GALNT5: variants seen among roughly 807,000 people sequenced by gnomAD.
The protein encoded by GALNT5 is polypeptide N-acetylgalactosaminyltransferase 5, also known as UDP-GalNAc:polypeptide N-acetylgalactosaminyltransferase 5.
GALNT5 carries 72 observed loss-of-function variants against 85.4 expected under a neutral mutation model. The observed-to-expected ratio is 0.84, with a 90% CI of 0.70 to 1.03. GALNT5 has a LOEUF of 1.03. Ranked by LOEUF, GALNT5 falls within the 50% of genes least tolerant of loss-of-function variation. The pLI is 0.00. For synonymous variants in GALNT5, 404 were observed against 397.0 expected (o/e 1.02, Z -0.21); for missense variants, 1,137 against 1,135.5 (o/e 1.00, Z -0.02).
chr2:157,276,668 A>T (rs764907238), intron 1 of GALNT5, among the ~76,000 whole-genome samples: 6 of 152,120 alleles, frequency 3.9e-5, no homozygotes, highest in Non-Finnish European at 7.4e-5. Context: ...ATCAGTGATG[A>T]TATCCCCTTT....
intron 1 of GALNT5, among the ~76,000 whole-genome samples, chr2:157,262,634 AAACAACAACAAC>A (rs201143254): frequency 4.4e-5 from 6 of 137,038 alleles, no homozygotes; most frequent in African/African-American, 2.0e-4. Flanking sequence ...TTGTCTCAGA[AAACAACAACAAC>A]AACAACAACA....
chr2:157,289,751 A>G (rs74607185), intron 3 of GALNT5, among the ~76,000 whole-genome samples: 16,568 of 152,118 alleles, frequency 0.11, 2,535 homozygotes, highest in African/African-American at 0.34. Context: ...AAGTAGATAT[A>G]TAAAACACAA....
Position 157,259,363 on chromosome 2 carries a change from T to C in GALNT5, c.1281T>C (p.Asp427=), listed in dbSNP as rs528524843. 3.3e-6 allele frequency: 5 copies of C among 1,514,792 alleles called. No homozygotes were observed. Among genetic ancestry groups the C allele is most frequent in the African/African-American group, 1.4e-5 (1 of 71,982 alleles). The allele number at this position is 1,514,792 out of a possible 1,614,324, so 93.8% of individuals were successfully genotyped here. Residue 427 remains aspartate, a synonymous_variant, in exon 1 of 10, where the codon GAT becomes GAC. Coordinates refer to ENST00000259056, the MANE Select transcript of GALNT5 (RefSeq NM_014568.3). The part of the protein sequence containing the change: ...DSGTHQVLRI[D]VTLSPRDPKA... Reference sequence around the variant, plus strand: ...GAACGCACCAGGTGTTAAGAATTGATGTGACACTTTCTCCAAGGGACCCCA... The same window carrying C: ...GAACGCACCAGGTGTTAAGAATTGACGTGACACTTTCTCCAAGGGACCCCA...
At chr2:157,287,158 C>G (rs933782552) in intron 3 of GALNT5, among the ~76,000 whole-genome samples, 1 of 152,112 alleles carries the variant, frequency 6.6e-6, no homozygotes, top group Non-Finnish European at 1.5e-5. Flanking sequence ...ATGTTGACAG[C>G]TAAACCTTTA....
intron 5 of GALNT5, among the ~76,000 whole-genome samples, chr2:157,296,922 C>T (rs532688294): frequency 6.6e-6 from 1 of 152,248 alleles, no homozygotes; most frequent in South Asian, 2.1e-4. Flanking sequence ...CTTTTACAGC[C>T]TAATCCTACC....
intron 1 of GALNT5, 69 bp from the exon 2 acceptor site, chr2:157,284,211 CTG>C (rs1191796159): frequency 2.3e-6 from 3 of 1,307,188 alleles, no homozygotes; most frequent in African/African-American, 3.0e-5. Flanking sequence ...CCATCGCACT[CTG>C]TGACTTTTAA....
intron 3 of GALNT5, 126 bp downstream of exon 3, chr2:157,286,260 T>C (rs1682968923): frequency 4.3e-6 from 3 of 698,590 alleles, no homozygotes; most frequent in African/African-American, 3.6e-5. Context: ...GTTCCATCAA[T>C]TTTAAACAGT....
At position 157,307,225 on chromosome 2, in the gene GALNT5, G is replaced by T. The variant is rs560469159; in HGVS notation, c.2521-1342G>T. ...TCATTTTTAGCTTCTGCCTCTTGTG[G>T]TTTGCTTGGGTAATAAAAAGTAAAG... On this transcript the variant is annotated intron_variant, in intron 8 of 9. Coordinates refer to ENST00000259056, the MANE Select transcript of GALNT5 (RefSeq NM_014568.3). 3.4e-4 allele frequency among the ~76,000 whole-genome samples: 52 copies of T among 152,146 alleles called. 1 individual carries two copies. The highest frequency in any genetic ancestry group is 1.2e-3 in the South Asian group (6 of 4,818).
intron 3 of GALNT5, among the ~76,000 whole-genome samples, chr2:157,290,086 T>G (rs1396009956): frequency 1.1e-4 from 2 of 18,330 alleles, no homozygotes; most frequent in Non-Finnish European, 2.5e-4. Context: ...AAAAAAAAAA[T>G]GTATATATAT....
rs555433838 is a variant in GALNT5, at chr2:157,315,034, C to A, written c.*3686C>A. Among the ~76,000 whole-genome samples the A allele has an allele frequency of 6.6e-6, 1 of 151,964 alleles. No homozygotes were observed. The highest frequency in any genetic ancestry group is 1.5e-5 in the Non-Finnish European group (1 of 68,000). On this transcript the variant is annotated 3_prime_UTR_variant, in exon 10 of 10. Coordinates refer to ENST00000259056, the MANE Select transcript of GALNT5 (RefSeq NM_014568.3). ...TGGAGGTTGCAGTGAGCTGAAATTGCGCCACTGCACTCCAGCCTAGACAAC... is the reference window on the plus strand; with the variant it reads ...TGGAGGTTGCAGTGAGCTGAAATTGAGCCACTGCACTCCAGCCTAGACAAC...
chr2:157,264,396 G>A (rs893609525), intron 1 of GALNT5, among the ~76,000 whole-genome samples: 1 of 152,140 alleles, frequency 6.6e-6, no homozygotes, highest in African/African-American at 2.4e-5. Context: ...AGTTTTTAAA[G>A]TACAATAAGA....
intron 1 of GALNT5, among the ~76,000 whole-genome samples, chr2:157,278,632 C>T (rs978907460): frequency 1.4e-4 from 21 of 152,120 alleles, no homozygotes; most frequent in Non-Finnish European, 2.1e-4. Flanking sequence ...GCATGCATCA[C>T]GAAGTTCTCT....
intron 1 of GALNT5, among the ~76,000 whole-genome samples, chr2:157,270,152 C>T (rs887456252): frequency 2.6e-5 from 4 of 152,266 alleles, no homozygotes; most frequent in South Asian, 2.1e-4. Flanking sequence ...GAGCCCATGC[C>T]GGAACATTCA....
intron 9 of GALNT5, among the ~76,000 whole-genome samples, chr2:157,310,050 C>T (rs917121083): frequency 1.3e-5 from 2 of 152,052 alleles, no homozygotes; most frequent in African/African-American, 2.4e-5. Flanking sequence ...AGAACGAGAA[C>T]TAAAACACAT....
chr2:157,301,063 A>C, intron 7 of GALNT5, 64 bp downstream of exon 7: 1 of 1,159,054 alleles, frequency 8.6e-7, no homozygotes, highest in Non-Finnish European at 1.2e-6. Context: ...CTCTTTCAAA[A>C]ATGTGTGGAA....
chr2:157,313,831 T>C lies in GALNT5; in HGVS notation c.*2483T>C, dbSNP rs1220865885. 1.3e-5 allele frequency: 2 copies of C among 152,236 alleles called. No homozygotes were observed. Among genetic ancestry groups the C allele is most frequent in the Non-Finnish European group, 1.5e-5 (1 of 68,042 alleles). The allele number at this position is 152,236 out of a possible 1,614,324, so 9.4% of individuals were successfully genotyped here. A position where few individuals can be genotyped will look rare whatever the true frequency, so the allele number is the denominator to read the frequency against. On this transcript the variant is annotated 3_prime_UTR_variant, in exon 10 of 10. Coordinates refer to ENST00000259056, the MANE Select transcript of GALNT5 (RefSeq NM_014568.3). ...ATATAAAGCTATATTTAAATCTATA[T>C]TGTCAATATAACAAAGGATTGTTTT...
At chr2:157,299,954 TGC>T (rs1238018650) in intron 6 of GALNT5, among the ~76,000 whole-genome samples, 1 of 152,164 alleles carries the variant, frequency 6.6e-6, no homozygotes, top group East Asian at 1.9e-4. Context: ...GAGTCATACG[TGC>T]TACAAAATAA....
At chr2:157,278,718 T>A (rs114188556) in intron 1 of GALNT5, among the ~76,000 whole-genome samples, 1 of 152,182 alleles carries the variant, frequency 6.6e-6, no homozygotes, top group African/African-American at 2.4e-5. Context: ...ATTCGTCTAG[T>A]GTTTTTTCAA....
In GALNT5 at chr2:157,273,630, C is replaced by CTTTTTTTTT; in HGVS notation, c.1455-10631_1455-10623dup. Among the ~76,000 whole-genome samples the CTTTTTTTTT allele has an allele frequency of 3.2e-3, 77 of 23,742 alleles. 23 individuals are homozygous for CTTTTTTTTT. The highest frequency in any genetic ancestry group is 0.018 in the African/African-American group (54 of 3,054). 15.6% of individuals were successfully genotyped at this position (23,742 alleles called of 152,430 possible). A position where few individuals can be genotyped will look rare whatever the true frequency, so the allele number is the denominator to read the frequency against. On this transcript the variant is annotated intron_variant, in intron 1 of 9. Transcript: ENST00000259056. Reference sequence around the variant, plus strand: ...TTATTTGAAAACAGCATATTTCTTGCTTTTTTTTTTTTTTTTTTTTTTTTT... The same window carrying CTTTTTTTTT: ...TTATTTGAAAACAGCATATTTCTTGCTTTTTTTTTTTTTTTTTTTTTTTTTTTTTTTTTT...
Sources: gnomAD v4.1 joint callset for allele counts (sites outside exome capture counted in the v4.1 genomes callset) on GRCh38, gnomAD v4.1.1 for gene constraint, MANE v1.5 for transcripts, NCBI Gene and HGNC (gene_info 2026-07-23, HGNC 2026-07-21) for gene names.